The following RRN3 variants were observed in gnomAD, a reference collection of about 807,000 sequenced individuals.
The protein encoded by RRN3 is RNA polymerase I-specific transcription initiation factor RRN3.
In RRN3, 38 loss-of-function variants were observed where a neutral mutation model predicts 82.3. The observed-to-expected ratio is 0.46, with a 90% CI of 0.36 to 0.61. The LOEUF (loss-of-function observed/expected upper bound fraction) is 0.61, where lower values mean the gene tolerates loss of function less well. Among genes scored for constraint, RRN3 ranks in the 20% least tolerant of loss-of-function variants. RRN3 has a pLI of 0.00. For missense variants in RRN3, 726 were observed against 793.1 expected (o/e 0.92, Z 1.02); for synonymous variants, 284 against 284.3 (o/e 1.00, Z 0.01).
intron 17 of RRN3, among the ~76,000 whole-genome samples, chr16:15,062,817 C>T (rs189922241): frequency 1.3e-3 from 201 of 152,322 alleles, no homozygotes; most frequent in Middle Eastern, 6.8e-3. Flanking sequence ...AACAACAAAA[C>T]CTGGGCCTGG....
At position 15,065,375 on chromosome 16, in the gene RRN3, T is replaced by C; in HGVS notation, c.1554-4A>G. 1 of 1,611,542 alleles carries C rather than the reference T, an allele frequency of 6.2e-7. No homozygotes were observed. Among genetic ancestry groups the C allele is most frequent in the Non-Finnish European group, 8.5e-7 (1 of 1,178,620 alleles). The stretch of plus-strand genomic sequence containing the variant: ...GCAGAAGACGAGCTGGTACTTACTG[T>C]GGAACAAAAAAACAACACAGACAGA... On this transcript the variant is annotated splice_polypyrimidine_tract_variant and splice_region_variant and intron_variant, in intron 15 of 17. Coordinates refer to ENST00000198767, the MANE Select transcript of RRN3 (RefSeq NM_018427.5).
In RRN3 at chr16:15,076,539, T is replaced by C. The variant is rs765393444; in HGVS notation, c.858+19A>G. On this transcript the variant is annotated intron_variant, in intron 10 of 17. Coordinates refer to ENST00000198767, the MANE Select transcript of RRN3 (RefSeq NM_018427.5). ...TTTATGATAAACTTCATCTCCACTT[T>C]CATTAATAAACTGCTAACCATATTA... 2.9e-5 allele frequency: 44 copies of C among 1,524,636 alleles called. No individual in the cohort carries two copies. The Admixed American group carries it at 7.2e-4, about 25-fold the overall frequency. 94.4% of individuals were successfully genotyped at this position (1,524,636 alleles called of 1,614,324 possible).
At chr16:15,088,767 A>T (rs1414284454) in intron 3 of RRN3, among the ~76,000 whole-genome samples, 1 of 152,220 alleles carries the variant, frequency 6.6e-6, no homozygotes, top group East Asian at 1.9e-4. Flanking sequence ...ATAGTGACCA[A>T]GCCAACAGAT....
intron 1 of RRN3, among the ~76,000 whole-genome samples, chr16:15,092,906 G>A (rs1256104483): frequency 6.6e-6 from 1 of 152,098 alleles, no homozygotes; most frequent in South Asian, 2.1e-4. Flanking sequence ...TTTTACTACA[G>A]CCATAACGTC....
intron 3 of RRN3, among the ~76,000 whole-genome samples, chr16:15,090,007 A>G (rs896123105): frequency 3.5e-4 from 53 of 151,280 alleles, no homozygotes; most frequent in African/African-American, 1.2e-3. Flanking sequence ...TCAGGAGTTC[A>G]AGACCAGCCT....
At chr16:15,079,943 T>G (rs1169288748) in intron 9 of RRN3, 55 bp downstream of exon 9, 1 of 1,496,754 alleles carries the variant, frequency 6.7e-7, no homozygotes, top group African/African-American at 1.4e-5. Context: ...CATACTGTGA[T>G]TATAACAAAT....
At chr16:15,083,633 G>A (rs1291776812) in intron 7 of RRN3, 51 bp from the exon 8 acceptor site, 1 of 1,573,224 alleles carries the variant, frequency 6.4e-7, no homozygotes, top group African/African-American at 1.4e-5. Context: ...TTCTAGAAAA[G>A]GAATAAAAAG....
At chr16:15,089,571 C>G (rs777436076) in intron 3 of RRN3, among the ~76,000 whole-genome samples, 1 of 152,056 alleles carries the variant, frequency 6.6e-6, no homozygotes, top group East Asian at 1.9e-4. Context: ...GAGGCCAAGG[C>G]GGGCGGATCA....
chr16:15,079,685 C>T (rs989874521), intron 9 of RRN3, among the ~76,000 whole-genome samples: 8 of 151,906 alleles, frequency 5.3e-5, no homozygotes, highest in African/African-American at 1.5e-4. Context: ...ATCTGCCTCC[C>T]GGATTCAAGC....
At chr16:15,086,819 C>G (rs2045932417) in intron 3 of RRN3, among the ~76,000 whole-genome samples, 1 of 152,118 alleles carries the variant, frequency 6.6e-6, no homozygotes, top group African/African-American at 2.4e-5. Flanking sequence ...ACAATAGCTA[C>G]CTCTATTTCC....
At chr16:15,079,542 C>G (rs1293859384) in intron 9 of RRN3, among the ~76,000 whole-genome samples, 2 of 152,100 alleles carry the variant, frequency 1.3e-5, no homozygotes, top group African/African-American at 4.8e-5. Flanking sequence ...CAACTCCCAG[C>G]ACATGCACAC....
chr16:15,071,757 G>C (rs2045240398), intron 12 of RRN3, among the ~76,000 whole-genome samples: 1 of 152,144 alleles, frequency 6.6e-6, no homozygotes, highest in Non-Finnish European at 1.5e-5. Context: ...GACAGAGTGA[G>C]ACTCCATCTC....
At chr16:15,064,251 C>T (rs2044854979) in intron 16 of RRN3, among the ~76,000 whole-genome samples, 1 of 152,052 alleles carries the variant, frequency 6.6e-6, no homozygotes, top group Non-Finnish European at 1.5e-5. Flanking sequence ...TCTCGGCTCA[C>T]TGCAACCTCC....
rs777143799 is a variant in RRN3, at chr16:15,076,606, T to A, written c.810A>T (p.Ala270=). 6.2e-7 allele frequency: 1 copy of A among 1,613,566 alleles called. No homozygotes were observed. Among genetic ancestry groups the A allele is most frequent in the South Asian group, 1.1e-5 (1 of 91,058 alleles). The change falls in exon 10 of 18, where the codon GCA becomes GCT. Residue 270 remains alanine (A), a synonymous_variant. Coordinates refer to ENST00000198767, the MANE Select transcript of RRN3 (RefSeq NM_018427.5). ...AATCTGTCCCACCACAAGTTTGAGT[T>A]GCTGTTTCTTCAGCATCTTCAATAC... The part of the protein sequence containing the change: ...RQGIEDAEET[A]TQTCGGTDST...
intron 16 of RRN3, among the ~76,000 whole-genome samples, chr16:15,064,147 C>T (rs1299075936): frequency 6.6e-6 from 1 of 151,978 alleles, no homozygotes; most frequent in East Asian, 1.9e-4. Flanking sequence ...TCTAGAACAA[C>T]TCATCTAGAT....
intron 15 of RRN3, among the ~76,000 whole-genome samples, chr16:15,065,880 C>G (rs1279571737): frequency 6.6e-6 from 1 of 152,194 alleles, no homozygotes; most frequent in Non-Finnish European, 1.5e-5. Context: ...ACGGGGTTGA[C>G]TAAGTCATGA....
intron 2 of RRN3, among the ~76,000 whole-genome samples, chr16:15,091,989 C>T (rs551455545): frequency 8.8e-4 from 134 of 152,146 alleles, no homozygotes; most frequent in Middle Eastern, 3.4e-3. Flanking sequence ...CCAGCCTGGC[C>T]AACATGGTGA....
At chr16:15,072,179 C>A (rs1348880912) in intron 12 of RRN3, among the ~76,000 whole-genome samples, 7 of 151,562 alleles carry the variant, frequency 4.6e-5, no homozygotes, top group African/African-American at 1.7e-4. Flanking sequence ...CCAACACTCT[C>A]CTGATCTCTA....
In RRN3 at chr16:15,086,420, C is replaced by A; in HGVS notation, c.287G>T (p.Arg96Leu). 1 of 1,613,452 alleles carries A rather than the reference C, an allele frequency of 6.2e-7. No individual in the cohort carries two copies. The highest frequency in any genetic ancestry group is 8.5e-7 in the Non-Finnish European group (1 of 1,179,726). Residue 96 changes from arginine (R) to leucine (L), a missense_variant, in exon 4 of 18, where the codon CGT (arginine) becomes CTT (leucine). Coordinates refer to ENST00000198767, the MANE Select transcript of RRN3 (RefSeq NM_018427.5). ...TTTTGTCAAGTACATGATAGAAGAA[C>A]GGAATTCTAGCAGCCAGTTGATGAT... ...DQIINWLLEF[R>L]SSIMYLTKDF...
Sources: gnomAD v4.1 joint callset for allele counts (sites outside exome capture counted in the v4.1 genomes callset) on GRCh38, gnomAD v4.1.1 for gene constraint, MANE v1.5 for transcripts, NCBI Gene and HGNC (gene_info 2026-07-23, HGNC 2026-07-21) for gene names.